The following FGGY variants were observed in gnomAD, a reference collection of about 807,000 sequenced individuals.
FGGY encodes FGGY carbohydrate kinase domain containing, also known as FGGY carbohydrate kinase domain-containing protein.
FGGY carries 72 observed loss-of-function variants against 71.3 expected under a neutral mutation model. The observed-to-expected ratio is 1.01, with a 90% CI of 0.84 to 1.23. FGGY has a LOEUF of 1.23. FGGY is among the 50% of genes most tolerant of loss of function. The pLI, the probability that FGGY is intolerant of heterozygous loss-of-function variation, is 0.00. For missense variants in FGGY, 668 were observed against 682.3 expected (o/e 0.98, Z 0.23); for synonymous variants, 251 against 250.3 (o/e 1.00, Z -0.02).
At chr1:59,467,491 G>C (rs895938546) in intron 6 of FGGY, among the ~76,000 whole-genome samples, 7 of 150,250 alleles carry the variant, frequency 4.7e-5, no homozygotes, top group Admixed American at 6.6e-5. Flanking sequence ...AGAACTTAAA[G>C]TATAATAAAA....
chr1:59,496,443 G>A (rs774830554), intron 6 of FGGY, among the ~76,000 whole-genome samples: 1 of 152,124 alleles, frequency 6.6e-6, no homozygotes, highest in Non-Finnish European at 1.5e-5. Flanking sequence ...ACCACATACT[G>A]CATATTCTCA....
chr1:59,338,572 A>G (rs1270334544), intron 2 of FGGY, among the ~76,000 whole-genome samples: 1 of 152,124 alleles, frequency 6.6e-6, no homozygotes, highest in African/African-American at 2.4e-5. Context: ...TAACCCCAAA[A>G]TGGTGGTTTT....
intron 6 of FGGY, among the ~76,000 whole-genome samples, chr1:59,502,441 G>A (rs147013506): frequency 4.7e-4 from 71 of 152,262 alleles, no homozygotes; most frequent in African/African-American, 1.7e-3. Context: ...ACAAAATAGG[G>A]CACCAGCAAT....
intron 7 of FGGY, among the ~76,000 whole-genome samples, chr1:59,516,258 A>G (rs1213781586): frequency 6.6e-6 from 1 of 152,188 alleles, no homozygotes; most frequent in Non-Finnish European, 1.5e-5. Flanking sequence ...AAAATCTTGA[A>G]AAGGTTGTCC....
At chr1:59,527,670 G>T (rs1307461238) in intron 7 of FGGY, among the ~76,000 whole-genome samples, 1 of 152,168 alleles carries the variant, frequency 6.6e-6, no homozygotes, top group African/African-American at 2.4e-5. Flanking sequence ...TCTTCATTTT[G>T]TTGGTGGTGA....
intron 7 of FGGY, among the ~76,000 whole-genome samples, chr1:59,528,980 A>G (rs945951649): frequency 6.6e-6 from 1 of 152,200 alleles, no homozygotes; most frequent in African/African-American, 2.4e-5. Flanking sequence ...CTATTTAAAC[A>G]CCTAAATAGA....
intron 14 of FGGY, among the ~76,000 whole-genome samples, chr1:59,704,966 C>T (rs1386536016): frequency 2.0e-5 from 3 of 152,104 alleles, no homozygotes; most frequent in South Asian, 2.1e-4. Flanking sequence ...TGCCAATTTT[C>T]GGGCAGAAAA....
chr1:59,740,804 A>G (rs2098140975), intron 14 of FGGY, among the ~76,000 whole-genome samples: 2 of 152,200 alleles, frequency 1.3e-5, no homozygotes, highest in South Asian at 4.1e-4. Context: ...ACATTTAAAC[A>G]TGCTCTAGAC....
intron 12 of FGGY, among the ~76,000 whole-genome samples, chr1:59,663,113 G>A (rs2097292530): frequency 1.3e-5 from 2 of 152,310 alleles, no homozygotes; most frequent in East Asian, 1.9e-4. Context: ...AGACACGACT[G>A]TGTGCCAGGC....
intron 5 of FGGY, among the ~76,000 whole-genome samples, chr1:59,448,684 T>C (rs1030436113): frequency 3.9e-5 from 6 of 152,162 alleles, no homozygotes; most frequent in African/African-American, 1.2e-4. Context: ...TTTGCCAGAG[T>C]AGCATTGTGC....
intron 5 of FGGY, among the ~76,000 whole-genome samples, chr1:59,453,138 A>G (rs2091354579): frequency 6.6e-6 from 1 of 152,182 alleles, no homozygotes; most frequent in Non-Finnish European, 1.5e-5. Flanking sequence ...AAACTTTACC[A>G]GTTCTGCTGC....
chr1:59,734,241 G>A (rs1265052317), intron 14 of FGGY, among the ~76,000 whole-genome samples: 1 of 152,154 alleles, frequency 6.6e-6, no homozygotes, highest in African/African-American at 2.4e-5. Context: ...TCTTGCTCTG[G>A]TGACCAGACT....
chr1:59,393,085 CT>C (rs1416999500), intron 5 of FGGY: 1 of 152,214 alleles, frequency 6.6e-6, no homozygotes, highest in Non-Finnish European at 1.5e-5. Flanking sequence ...GGCAGCCTGT[CT>C]TTTAAAAATT....
Position 59,499,348 on chromosome 1 carries a change from G to C in FGGY, c.671-12963G>C, listed in dbSNP as rs139531220. Among the ~76,000 whole-genome samples, 33 of 130,462 alleles carry C rather than the reference G, an allele frequency of 2.5e-4. No homozygotes were observed. The East Asian group carries it at 6.8e-3, about 27-fold the overall frequency. 85.6% of individuals were successfully genotyped at this position (130,462 alleles called of 152,430 possible). Reference sequence around the variant, plus strand: ...TAACTGAGAGGATTACTAAGCGGACGACAGGGAGGTAGTGCCTACAGCATG... The same window carrying C: ...TAACTGAGAGGATTACTAAGCGGACCACAGGGAGGTAGTGCCTACAGCATG... On this transcript the variant is annotated intron_variant, in intron 6 of 15. Coordinates refer to ENST00000303721, the MANE Select transcript of FGGY (RefSeq NM_018291.5).
intron 5 of FGGY, among the ~76,000 whole-genome samples, chr1:59,407,458 TG>T (rs1385871005): frequency 3.3e-5 from 5 of 152,148 alleles, no homozygotes; most frequent in Admixed American, 6.5e-5. Context: ...GCAGCTAAGA[TG>T]CCATCAATGC....
chr1:59,581,026 T>C (rs1176031699), intron 8 of FGGY, among the ~76,000 whole-genome samples: 2 of 152,158 alleles, frequency 1.3e-5, no homozygotes, highest in Non-Finnish European at 2.9e-5. Context: ...AATTTATACA[T>C]AGGGGAAATG....
chr1:59,705,090 T>C lies in FGGY; in HGVS notation c.1512+30957T>C, dbSNP rs1354396144. On this transcript the variant is annotated intron_variant, in intron 14 of 15. Coordinates refer to ENST00000303721, the MANE Select transcript of FGGY (RefSeq NM_018291.5). ...ATGGCCTATTAATATCTTTTCTTCA[T>C]TTTCCTATAGGGTTGTTTGTCCTTT... 1.3e-5 allele frequency among the ~76,000 whole-genome samples: 2 copies of C among 152,222 alleles called. 1 individual carries two copies. The highest frequency in any genetic ancestry group is 4.8e-5 in the African/African-American group (2 of 41,464).
intron 5 of FGGY, among the ~76,000 whole-genome samples, chr1:59,413,496 G>C (rs1045247252): frequency 1.3e-5 from 2 of 152,202 alleles, no homozygotes; most frequent in Non-Finnish European, 2.9e-5. Flanking sequence ...TGAGACAGGA[G>C]TATAACCATT....
chr1:59,385,068 G>A (rs913293219), intron 5 of FGGY, among the ~76,000 whole-genome samples: 1 of 152,178 alleles, frequency 6.6e-6, no homozygotes, highest in Non-Finnish European at 1.5e-5. Flanking sequence ...ACTAACAAGT[G>A]ATCGAATTTC....
Sources: allele counts gnomAD v4.1 joint callset (sites outside exome capture counted in the v4.1 genomes callset), GRCh38; gene constraint gnomAD v4.1.1; transcripts MANE v1.5; gene names NCBI Gene and HGNC (gene_info 2026-07-23, HGNC 2026-07-21).